The following PPP2R3A variants were observed in gnomAD, a reference collection of about 807,000 sequenced individuals.
PPP2R3A encodes protein phosphatase 2 regulatory subunit B''alpha, also known as serine/threonine-protein phosphatase 2A regulatory subunit B'' subunit alpha.
In PPP2R3A, 80 loss-of-function variants were observed where a neutral mutation model predicts 106.9. The observed-to-expected ratio is 0.75, with a 90% CI of 0.62 to 0.90. The LOEUF (loss-of-function observed/expected upper bound fraction) is 0.90, where lower values mean the gene tolerates loss of function less well. Among genes scored for constraint, PPP2R3A ranks in the 40% least tolerant of loss-of-function variants. PPP2R3A has a pLI of 0.00. For synonymous variants in PPP2R3A, 483 were observed against 468.3 expected, an observed-to-expected ratio of 1.03 and a Z score of -0.41; for missense variants, 1,386 against 1,350.4, an observed-to-expected ratio of 1.03 and a Z score of -0.41.
chr3:136,003,185 C>T lies in PPP2R3A; in HGVS notation c.1687C>T (p.Pro563Ser). The T allele has an allele frequency of 6.2e-7, 1 of 1,613,690 alleles. No individual in the cohort carries two copies. Among genetic ancestry groups the T allele is most frequent in the Non-Finnish European group, 8.5e-7 (1 of 1,179,702 alleles). The change falls in exon 2 of 14, where the codon CCC becomes TCC. Residue 563 changes from proline (P) to serine (S), a missense_variant. By Grantham distance (74) the Pro-to-Ser change is moderately conservative. Coordinates refer to ENST00000264977, the MANE Select transcript of PPP2R3A (RefSeq NM_002718.5). ...DLEPKSKVSSPIEKVSPSCLT... is the reference protein window; with the variant it reads ...DLEPKSKVSSSIEKVSPSCLT... ...TGAGCCTAAATCTAAAGTCTCTTCA[C>T]CCATAGAAAAAGTCTCACCTTCCTG...
chr3:136,145,206 A>G lies in PPP2R3A; in HGVS notation c.*40A>G. The G allele has an allele frequency of 3.8e-6, 6 of 1,576,328 alleles. No homozygotes were observed. The highest frequency in any genetic ancestry group is 5.2e-6 in the Non-Finnish European group (6 of 1,164,574). ...AATGAAACGAAGATGTGTATTTTAA[A>G]TGTTTCTTTCTTGTGAAGAGATGTT... On this transcript the variant is annotated 3_prime_UTR_variant, in exon 14 of 14. Coordinates refer to ENST00000264977, the MANE Select transcript of PPP2R3A (RefSeq NM_002718.5).
rs1936392832 is a variant in PPP2R3A, at chr3:136,070,479, A to T, written c.2471A>T (p.Asp824Val). 3.1e-6 allele frequency: 5 copies of T among 1,597,764 alleles called. No individual in the cohort carries two copies. The African/African-American group carries it at 6.8e-5, about 22-fold the overall frequency. Residue 824 changes from aspartate to valine, a missense_variant and splice_region_variant, in exon 6 of 14, where the codon GAT (aspartate) becomes GTT (valine). By Grantham distance (152) the Asp-to-Val change is radical (BLOSUM62 -3). Transcript: ENST00000264977. Reference protein sequence around the residue: ...EQEDFIPLLQDVVDTHPGLTF... With the variant: ...EQEDFIPLLQVVVDTHPGLTF... ...AGTTTTGGTTTTGATCTTTTTCAGGATGTGGTGGATACCCACCCTGGTCTC... is the reference window on the plus strand; with the variant it reads ...AGTTTTGGTTTTGATCTTTTTCAGGTTGTGGTGGATACCCACCCTGGTCTC...
chr3:136,055,590 G>A, intron 5 of PPP2R3A: 1 of 1,400,558 alleles, frequency 7.1e-7, no homozygotes. Flanking sequence ...CTGCAGTACT[G>A]TATCCACACG....
chr3:136,022,060 A>G lies in PPP2R3A; in HGVS notation c.1996-4772A>G, dbSNP rs573530948. 4.6e-5 allele frequency among the ~76,000 whole-genome samples: 7 copies of G among 152,248 alleles called. No homozygotes were observed. The South Asian group carries it at 1.4e-3, about 31-fold the overall frequency. Reference sequence around the variant, plus strand: ...TTTACTTTATGATTCACTTACAAATAACTATATGAGGCAGATATTTAATAT... The same window carrying G: ...TTTACTTTATGATTCACTTACAAATGACTATATGAGGCAGATATTTAATAT... On this transcript the variant is annotated intron_variant, in intron 2 of 13. Transcript: ENST00000264977.
In PPP2R3A at chr3:136,106,439, T is replaced by G. The variant is rs764258127; in HGVS notation, c.3329+117T>G. The G allele has an allele frequency of 1.5e-4, 131 of 851,516 alleles. 2 individuals carry two copies. The highest frequency in any genetic ancestry group is 7.3e-5 in the Non-Finnish European group (40 of 547,416). The allele number at this position is 851,516 out of a possible 1,614,324, so 52.7% of individuals were successfully genotyped here. Reference sequence around the variant, plus strand: ...TTTCCATTTTTGAATAGCATAAAAATGTGATTTAGCCAACTTTAGTTAAAT... The same window carrying G: ...TTTCCATTTTTGAATAGCATAAAAAGGTGATTTAGCCAACTTTAGTTAAAT... On this transcript the variant is annotated intron_variant, in intron 13 of 13. Transcript: ENST00000264977.
chr3:136,121,905 A>G (rs1049662330), intron 13 of PPP2R3A, among the ~76,000 whole-genome samples: 1 of 152,176 alleles, frequency 6.6e-6, no homozygotes, highest in East Asian at 1.9e-4. Flanking sequence ...TTTTTTCCCA[A>G]TGTTCCCTTC....
At chr3:136,084,876 C>T (rs1936882251) in intron 8 of PPP2R3A, among the ~76,000 whole-genome samples, 1 of 152,206 alleles carries the variant, frequency 6.6e-6, no homozygotes, top group Non-Finnish European at 1.5e-5. Context: ...CCATTTGGAA[C>T]AGGTGTATTT....
chr3:135,987,490 G>A (rs1311999217), intron 1 of PPP2R3A, among the ~76,000 whole-genome samples: 4 of 152,006 alleles, frequency 2.6e-5, no homozygotes, highest in African/African-American at 7.3e-5. Context: ...TTATTATGCT[G>A]GACAGTAACC....
chr3:136,070,025 A>C (rs1936377063), intron 5 of PPP2R3A, among the ~76,000 whole-genome samples: 1 of 152,182 alleles, frequency 6.6e-6, no homozygotes. Context: ...ACTTGACTAC[A>C]TGGCTGCTTT....
chr3:136,053,293 T>A (rs1935743800), intron 5 of PPP2R3A, among the ~76,000 whole-genome samples: 2 of 151,932 alleles, frequency 1.3e-5, no homozygotes, highest in Admixed American at 6.6e-5. Flanking sequence ...AAATAAAAGT[T>A]TAAAAAAGAT....
intron 13 of PPP2R3A, among the ~76,000 whole-genome samples, chr3:136,134,364 A>G (rs111275903): frequency 0.033 from 5,028 of 152,286 alleles, 298 homozygotes; most frequent in African/African-American, 0.11. Context: ...TCTATTGTAA[A>G]TAATCAGAAA....
chr3:136,035,593 G>T (rs1935058633), intron 3 of PPP2R3A, among the ~76,000 whole-genome samples: 1 of 152,194 alleles, frequency 6.6e-6, no homozygotes, highest in Non-Finnish European at 1.5e-5. Context: ...TGAGAAATCT[G>T]CTGTTAATCT....
At chr3:135,993,129 C>A (rs1366256722) in intron 1 of PPP2R3A, among the ~76,000 whole-genome samples, 1 of 152,100 alleles carries the variant, frequency 6.6e-6, no homozygotes, top group Non-Finnish European at 1.5e-5. Context: ...ACCTCCTACT[C>A]TTCAAAAGCC....
chr3:136,139,431 C>G (rs541086925), intron 13 of PPP2R3A, among the ~76,000 whole-genome samples: 1 of 152,180 alleles, frequency 6.6e-6, no homozygotes, highest in African/African-American at 2.4e-5. Context: ...TGCGGTGGTT[C>G]ACACCTGTAC....
intron 10 of PPP2R3A, among the ~76,000 whole-genome samples, chr3:136,092,165 C>A (rs557026883): frequency 6.6e-6 from 1 of 152,190 alleles, no homozygotes; most frequent in East Asian, 1.9e-4. Context: ...CCTGTCTCTA[C>A]TAAAAATGTA....
intron 13 of PPP2R3A, among the ~76,000 whole-genome samples, chr3:136,131,885 C>T (rs1362630621): frequency 6.6e-6 from 1 of 151,994 alleles, no homozygotes; most frequent in Non-Finnish European, 1.5e-5. Context: ...AGCCGAAAAC[C>T]ATCATTCTCA....
At chr3:136,082,510 A>C (rs553806885) in intron 8 of PPP2R3A, 89 bp downstream of exon 8, 1 of 1,451,984 alleles carries the variant, frequency 6.9e-7, no homozygotes, top group Non-Finnish European at 9.5e-7. Flanking sequence ...CCGTTTGCTA[A>C]ATTCTAAACC....
At chr3:136,136,075 T>TAAAAAAAA (rs1559940364) in intron 13 of PPP2R3A, among the ~76,000 whole-genome samples, 2 of 7,756 alleles carry the variant, frequency 2.6e-4, no homozygotes, top group African/African-American at 5.0e-4. Context: ...AAAAAAAAAT[T>TAAAAAAAA]ATATATATAT....
intron 13 of PPP2R3A, among the ~76,000 whole-genome samples, chr3:136,117,848 A>G (rs969276604): frequency 7.9e-5 from 12 of 152,324 alleles, no homozygotes; most frequent in African/African-American, 2.6e-4. Context: ...TCAATAGAAA[A>G]AGAGGGAATC....
Sources: gnomAD v4.1 joint callset for allele counts (sites outside exome capture counted in the v4.1 genomes callset) on GRCh38, gnomAD v4.1.1 for gene constraint, MANE v1.5 for transcripts, NCBI Gene and HGNC (gene_info 2026-07-23, HGNC 2026-07-21) for gene names.